The following MALRD1 variants were observed in gnomAD, a reference collection of about 807,000 sequenced individuals.
MALRD1 encodes the protein MAM and LDL-receptor class A domain-containing protein 1.
A neutral mutation model predicts 242.1 loss-of-function variants in MALRD1; 247 were observed. That is an observed-to-expected ratio of 1.02 (90% CI 0.92 to 1.13). MALRD1 has a LOEUF of 1.13. Among genes scored for constraint, MALRD1 ranks in the 50% most tolerant of loss-of-function variants. The pLI is 0.00. For synonymous variants in MALRD1, 995 were observed against 866.6 expected (o/e 1.15, Z -2.60); for missense variants, 2,989 against 2,533.1 (o/e 1.18, Z -3.86).
At chr10:19,376,542 C>CA (rs1554842468) in intron 26 of MALRD1, among the ~76,000 whole-genome samples, 10,677 of 95,046 alleles carry the variant, frequency 0.11, 1,795 homozygotes, top group Middle Eastern at 0.22. Context: ...TTGATACATT[C>CA]TTTTTTTTTT....
chr10:19,577,021 T>C (rs1041382301), intron 33 of MALRD1, among the ~76,000 whole-genome samples: 3 of 151,706 alleles, frequency 2.0e-5, no homozygotes, highest in African/African-American at 7.3e-5. Context: ...TCAAAGTTGA[T>C]TGAGAAAAAT....
At chr10:19,596,407 G>A (rs1448921747) in intron 34 of MALRD1, among the ~76,000 whole-genome samples, 1 of 152,028 alleles carries the variant, frequency 6.6e-6, no homozygotes, top group Non-Finnish European at 1.5e-5. Context: ...TATAGTAAAA[G>A]GCAGTTTGAA....
At chr10:19,065,347 A>G (rs1045586087) in intron 1 of MALRD1, among the ~76,000 whole-genome samples, 4 of 151,912 alleles carry the variant, frequency 2.6e-5, no homozygotes, top group Non-Finnish European at 5.9e-5. Context: ...CGAGAAAGAA[A>G]GAAAGAAATC....
rs1165774114 is a variant in MALRD1, at chr10:19,104,072, A to G, written c.691A>G (p.Asn231Asp). 2 of 1,229,206 alleles carry G rather than the reference A, an allele frequency of 1.6e-6. No homozygotes were observed. Among genetic ancestry groups the G allele is most frequent in the Admixed American group, 8.4e-5 (2 of 23,702 alleles). 76.1% of individuals were successfully genotyped at this position (1,229,206 alleles called of 1,614,324 possible). Residue 231 changes from asparagine (N) to aspartate (D), a missense_variant, in exon 5 of 40, where the codon AAT (asparagine) becomes GAT (aspartate). Transcript: ENST00000454679. The part of the protein sequence containing the change: ...ISFSSGCLPA[N>D]DGILLCQEAL... ...TTTCAGTTCAGGCTGCTTGCCTGCCAATGGTAAGAACTTTTTCTCTCATTT... is the reference window on the plus strand; with the variant it reads ...TTTCAGTTCAGGCTGCTTGCCTGCCGATGGTAAGAACTTTTTCTCTCATTT...
chr10:19,734,418 G>C lies in MALRD1; in HGVS notation c.*181G>C. 1 of 451,798 alleles carries C rather than the reference G, an allele frequency of 2.2e-6. No homozygotes were observed. The highest frequency in any genetic ancestry group is 3.5e-5 in the East Asian group (1 of 28,670). The allele number at this position is 451,798 out of a possible 1,614,324, so 28.0% of individuals were successfully genotyped here. ...TATAGAGAATGTTTATATGGAATCA[G>C]AATCAGTACCTTATCTTCACTGAAC... On this transcript the variant is annotated 3_prime_UTR_variant, in exon 40 of 40. Transcript: ENST00000454679.
At position 19,709,890 on chromosome 10, in the gene MALRD1, T is replaced by A. The variant is rs528572452; in HGVS notation, c.6314+17336T>A. Among the ~76,000 whole-genome samples the A allele has an allele frequency of 2.6e-4, 39 of 152,316 alleles. No homozygotes were observed. The South Asian group carries it at 7.7e-3, about 30-fold the overall frequency. On this transcript the variant is annotated intron_variant, in intron 38 of 39. Transcript: ENST00000454679. ...CTGGGGCTCATTTGTTGTAATTGTATTTGCTGAAAAACCTCTGGAAAGTAG... is the reference window on the plus strand; with the variant it reads ...CTGGGGCTCATTTGTTGTAATTGTAATTGCTGAAAAACCTCTGGAAAGTAG...
chr10:19,287,552 T>C (rs1045544175), intron 21 of MALRD1, among the ~76,000 whole-genome samples: 3 of 152,190 alleles, frequency 2.0e-5, no homozygotes, highest in African/African-American at 7.2e-5. Flanking sequence ...TTATCTTTTT[T>C]TCTGTAGATG....
At chr10:19,239,359 T>G (rs1838655708) in intron 18 of MALRD1, among the ~76,000 whole-genome samples, 1 of 152,164 alleles carries the variant, frequency 6.6e-6, no homozygotes, top group Admixed American at 6.6e-5. Flanking sequence ...GTGTTTTTGC[T>G]GTTGAGTTGT....
intron 31 of MALRD1, among the ~76,000 whole-genome samples, chr10:19,504,542 A>G (rs78580029): frequency 0.035 from 5,331 of 152,056 alleles, 176 homozygotes; most frequent in African/African-American, 0.087. Context: ...TCCTGGACCC[A>G]CTTTGATCTT....
intron 21 of MALRD1, among the ~76,000 whole-genome samples, chr10:19,310,457 G>A (rs983204404): frequency 6.6e-6 from 1 of 151,538 alleles, no homozygotes; most frequent in African/African-American, 2.4e-5. Flanking sequence ...ACAAAAAGCA[G>A]CTAGATAAAG....
intron 25 of MALRD1, among the ~76,000 whole-genome samples, chr10:19,349,966 A>C (rs772752110): frequency 7.9e-5 from 12 of 152,182 alleles, no homozygotes; most frequent in Non-Finnish European, 1.6e-4. Flanking sequence ...GCCTAGAAGA[A>C]ATGTCAAAAA....
At chr10:19,134,346 T>G (rs949086567) in intron 9 of MALRD1, among the ~76,000 whole-genome samples, 2 of 152,250 alleles carry the variant, frequency 1.3e-5, no homozygotes, top group African/African-American at 4.8e-5. Context: ...GAAAGCTCTA[T>G]GTACACCAAG....
intron 22 of MALRD1, 109 bp downstream of exon 22, chr10:19,324,214 C>A (rs1645161295): frequency 3.8e-6 from 4 of 1,052,570 alleles, no homozygotes; most frequent in East Asian, 2.6e-5. Context: ...GGACAATTAC[C>A]AACACTTCAC....
At chr10:19,193,794 A>G (rs1588679350) in intron 14 of MALRD1, among the ~76,000 whole-genome samples, 1 of 150,600 alleles carries the variant, frequency 6.6e-6, no homozygotes, top group Non-Finnish European at 1.5e-5. Flanking sequence ...GCTTTTGTCA[A>G]GAAGTATAAA....
intron 19 of MALRD1, among the ~76,000 whole-genome samples, chr10:19,266,362 T>A (rs1039064271): frequency 6.6e-6 from 1 of 151,968 alleles, no homozygotes; most frequent in African/African-American, 2.4e-5. Flanking sequence ...TTGCTTTCTC[T>A]TTACCTTTTG....
intron 21 of MALRD1, among the ~76,000 whole-genome samples, chr10:19,307,949 T>C (rs553297772): frequency 4.4e-4 from 66 of 151,714 alleles, no homozygotes; most frequent in African/African-American, 1.5e-3. Flanking sequence ...TATGATGTTT[T>C]GATACAGGCA....
At chr10:19,149,146 CACTT>C (rs1407022996) in intron 11 of MALRD1, among the ~76,000 whole-genome samples, 1 of 149,876 alleles carries the variant, frequency 6.7e-6, no homozygotes, top group Non-Finnish European at 1.5e-5. Flanking sequence ...GACAGAGTCT[CACTT>C]AGTTGCTCAG....
At chr10:19,392,498 C>T (rs1307056642) in intron 28 of MALRD1, among the ~76,000 whole-genome samples, 4 of 152,124 alleles carry the variant, frequency 2.6e-5, no homozygotes, top group African/African-American at 7.2e-5. Context: ...TCTTAAATGA[C>T]TCCTGTAATA....
Position 19,506,060 on chromosome 10 carries a change from G to A in MALRD1, c.5320+7414G>A, listed in dbSNP as rs79328672. ...AGAATTCTGCGTGGGATTCCAGTGC[G>A]TGGTCAAGGATGAGAATGCCTGCCC... On this transcript the variant is annotated intron_variant, in intron 31 of 39. Transcript: ENST00000454679. Among the ~76,000 whole-genome samples the A allele has an allele frequency of 8.1e-3, 1,236 of 152,288 alleles. 20 individuals are homozygous for A. Among genetic ancestry groups the A allele is most frequent in the East Asian group, 0.049 (254 of 5,174 alleles).
Sources: gnomAD v4.1 joint callset for allele counts (sites outside exome capture counted in the v4.1 genomes callset) on GRCh38, gnomAD v4.1.1 for gene constraint, MANE v1.5 for transcripts, NCBI Gene and HGNC (gene_info 2026-07-23, HGNC 2026-07-21) for gene names.